Variants in NRXN3 observed in about 807,000 individuals in gnomAD.
The protein encoded by NRXN3 is neurexin 3, also known as neurexin III.
A neutral mutation model predicts 137.6 loss-of-function variants in NRXN3; 32 were observed. The observed-to-expected ratio is 0.23, with a 90% confidence interval of 0.18 to 0.31. NRXN3 has a LOEUF of 0.31. NRXN3 is among the 10% of genes least tolerant of loss of function. The probability of loss-of-function intolerance (pLI) is 1.00; values close to 1 mark genes in which losing one functional copy is unlikely to be tolerated. For missense variants in NRXN3, 1,574 were observed against 2,062.5 expected, an observed-to-expected ratio of 0.76 and a Z score of 4.59; for synonymous variants, 798 against 784.5, an observed-to-expected ratio of 1.02 and a Z score of -0.29.
chr14:79,841,119 G>C (rs2205218), intron 20 of NRXN3, among the ~76,000 whole-genome samples: 136,242 of 152,250 alleles, frequency 0.89, 61,081 homozygotes, highest in East Asian at 1. Flanking sequence ...AGTCAAAGCC[G>C]TGTATATTTA....
At chr14:78,384,646 T>C (rs1042151090) in intron 4 of NRXN3, among the ~76,000 whole-genome samples, 3 of 152,192 alleles carry the variant, frequency 2.0e-5, no homozygotes, top group Non-Finnish European at 4.4e-5. Context: ...GAGAGAACCC[T>C]GCTCAGCCTT....
At chr14:78,456,841 CTTT>C (rs1465095295) in intron 4 of NRXN3, among the ~76,000 whole-genome samples, 2 of 131,796 alleles carry the variant, frequency 1.5e-5, no homozygotes, top group South Asian at 5.1e-4. Flanking sequence ...TTCTTTCTTT[CTTT>C]CTTTCTTTCT....
intron 19 of NRXN3, among the ~76,000 whole-genome samples, chr14:79,705,226 G>A (rs1232902276): frequency 1.3e-5 from 2 of 152,080 alleles, no homozygotes; most frequent in African/African-American, 2.4e-5. Flanking sequence ...GTCCCTGAGT[G>A]TTTTTAAACC....
chr14:78,649,960 A>G (rs2097724729), intron 5 of NRXN3, among the ~76,000 whole-genome samples: 2 of 151,658 alleles, frequency 1.3e-5, no homozygotes, highest in East Asian at 1.9e-4. Context: ...TTGTTTCCTC[A>G]TTTTCCTCCT....
intron 4 of NRXN3, among the ~76,000 whole-genome samples, chr14:78,397,049 A>G (rs1212611283): frequency 1.3e-5 from 2 of 152,168 alleles, no homozygotes; most frequent in Non-Finnish European, 2.9e-5. Context: ...TAAAAGCCCT[A>G]TCTCCAAGTA....
At chr14:78,288,281 G>A (rs1428526495) in intron 3 of NRXN3, among the ~76,000 whole-genome samples, 6 of 151,968 alleles carry the variant, frequency 3.9e-5, no homozygotes, top group Non-Finnish European at 8.8e-5. Context: ...CACCTGGCCT[G>A]GACTCCCTTT....
At chr14:79,541,100 A>G (rs2097267668) in intron 16 of NRXN3, among the ~76,000 whole-genome samples, 4 of 151,952 alleles carry the variant, frequency 2.6e-5, no homozygotes, top group Admixed American at 2.6e-4. Context: ...TTCTGCCTGT[A>G]TCTTCTCTTC....
At chr14:78,417,174 G>A (rs1461919008) in intron 4 of NRXN3, among the ~76,000 whole-genome samples, 1 of 152,214 alleles carries the variant, frequency 6.6e-6, no homozygotes, top group Non-Finnish European at 1.5e-5. Context: ...CACACTCTTA[G>A]CTTAGCTTAC....
chr14:79,092,225 G>A (rs1018449552), intron 15 of NRXN3, among the ~76,000 whole-genome samples: 1 of 152,150 alleles, frequency 6.6e-6, no homozygotes, highest in Non-Finnish European at 1.5e-5. Context: ...TAGGATACAG[G>A]ACTATTCTTT....
At chr14:79,380,362 A>G (rs899319352) in intron 15 of NRXN3, among the ~76,000 whole-genome samples, 4 of 134,494 alleles carry the variant, frequency 3.0e-5, no homozygotes, top group African/African-American at 5.7e-5. Flanking sequence ...CCCACCCCAC[A>G]ACAGTTCCCA....
chr14:79,131,007 C>G (rs1186893225), intron 15 of NRXN3, among the ~76,000 whole-genome samples: 1 of 152,178 alleles, frequency 6.6e-6, no homozygotes, highest in Non-Finnish European at 1.5e-5. Flanking sequence ...ACGTAGTTCT[C>G]GAGCCTTGGC....
At chr14:78,359,446 T>C (rs2153603702) in intron 4 of NRXN3, among the ~76,000 whole-genome samples, 1 of 152,272 alleles carries the variant, frequency 6.6e-6, no homozygotes, top group East Asian at 1.9e-4. Context: ...TGCTCTGCCA[T>C]TGGCTTCTTA....
intron 9 of NRXN3, among the ~76,000 whole-genome samples, chr14:78,807,734 C>CAAAAGAAAAAAAAAAAAAAAAAA (rs1567370197): frequency 9.0e-6 from 1 of 111,720 alleles, no homozygotes. Context: ...GATTCTGTCT[C>CAAAAGAAAAAAAAAAAAAAAAAA]AAAAAAAAAA....
intron 4 of NRXN3, among the ~76,000 whole-genome samples, chr14:78,515,191 G>A (rs1417839660): frequency 6.6e-6 from 1 of 152,144 alleles, no homozygotes; most frequent in Non-Finnish European, 1.5e-5. Context: ...AATCAATGGA[G>A]GAGGGAAGTG....
chr14:78,531,952 C>T (rs1159480530), intron 4 of NRXN3, among the ~76,000 whole-genome samples: 1 of 152,150 alleles, frequency 6.6e-6, no homozygotes, highest in Admixed American at 6.5e-5. Context: ...AAAATATCAC[C>T]AGTTTTTTAT....
intron 15 of NRXN3, among the ~76,000 whole-genome samples, chr14:79,092,625 A>G (rs992385839): frequency 1.3e-5 from 2 of 152,216 alleles, no homozygotes; most frequent in Non-Finnish European, 2.9e-5. Flanking sequence ...GTCAAATACA[A>G]TTTGAAGTTT....
chr14:78,301,530 C>G (rs1180003844), intron 4 of NRXN3, among the ~76,000 whole-genome samples: 1 of 152,144 alleles, frequency 6.6e-6, no homozygotes, highest in Non-Finnish European at 1.5e-5. Context: ...ATTAGTTGTT[C>G]AGGAGTGAAG....
intron 8 of NRXN3, among the ~76,000 whole-genome samples, chr14:78,749,845 A>G (rs1437508562): frequency 2.0e-5 from 3 of 152,188 alleles, no homozygotes; most frequent in Non-Finnish European, 2.9e-5. Context: ...CAGGTCCTGC[A>G]TGTTCTTGTT....
intron 15 of NRXN3, among the ~76,000 whole-genome samples, chr14:79,356,637 A>G (rs775764619): frequency 1.3e-5 from 2 of 152,158 alleles, no homozygotes; most frequent in Non-Finnish European, 2.9e-5. Context: ...GTTGGGTTAT[A>G]CAGTGCCTAT....
Sources: gnomAD v4.1 joint callset for allele counts (sites outside exome capture counted in the v4.1 genomes callset) on GRCh38, gnomAD v4.1.1 for gene constraint, MANE v1.5 for transcripts, NCBI Gene and HGNC (gene_info 2026-07-23, HGNC 2026-07-21) for gene names.